GGT1: variants seen among roughly 807,000 people sequenced by gnomAD.
The protein encoded by GGT1 is gamma-glutamyltransferase 1.
In GGT1, 21 loss-of-function variants were observed where a neutral mutation model predicts 56.0. That is an observed-to-expected ratio of 0.38 (90% CI 0.27 to 0.54). The LOEUF (loss-of-function observed/expected upper bound fraction) is 0.54. GGT1 is among the 20% of genes least tolerant of loss of function. The pLI, the probability that GGT1 is intolerant of heterozygous loss-of-function variation, is 0.82. For missense variants in GGT1, 466 were observed against 787.0 expected (o/e 0.59, Z 4.88); for synonymous variants, 238 against 342.6 (o/e 0.69, Z 3.37).
chr22:24,594,328 G>C (rs2045651488), upstream of GGT1, among the ~76,000 whole-genome samples: 1 of 152,010 alleles, frequency 6.6e-6, no homozygotes, highest in South Asian at 2.1e-4. Flanking sequence ...TACCTGTTGT[G>C]CAGGAAGGGC....
At chr22:24,590,046 C>G (rs2045522749), upstream of GGT1, 1 of 1,351,708 alleles carries the variant, frequency 7.4e-7, no homozygotes, top group South Asian at 1.6e-5. Context: ...CCGTTCCTGT[C>G]TCTCCATCTC....
intron 1 of GGT1, among the ~76,000 whole-genome samples, 187 bp downstream of exon 1, chr22:24,603,714 T>C (rs1464972913): frequency 6.7e-6 from 1 of 149,594 alleles, no homozygotes; most frequent in African/African-American, 2.5e-5. Flanking sequence ...GAGGAAAGAG[T>C]GCAGCATGAA....
In GGT1 at chr22:24,620,559, A is replaced by C; in HGVS notation, c.575+39A>C. 1 of 1,610,814 alleles carries C rather than the reference A, an allele frequency of 6.2e-7. No homozygotes were observed. The highest frequency in any genetic ancestry group is 8.5e-7 in the Non-Finnish European group (1 of 1,179,288). On this transcript the variant is annotated intron_variant, in intron 8 of 15. Coordinates refer to ENST00000400382, the MANE Select transcript of GGT1 (RefSeq NM_001288833.2). This position sits in a 1 kb window ranked among gnomAD's most constrained non-coding sequence, Gnocchi z 5.6. ...TGCGGCCCCCTGACACAGGCAGGGC[A>C]GGCACAGCCCAAGGACCTTGCAGGC...
chr22:24,624,594 GTC>G, intron 11 of GGT1: 1 of 970,566 alleles, frequency 1.0e-6, no homozygotes, highest in East Asian at 1.1e-4. Flanking sequence ...CTGGTGTCTT[GTC>G]TCTCTGAGGG....
At chr22:24,589,263 C>A in the GGT1 span, 3 of 1,267,234 alleles carry the variant, frequency 2.4e-6, no homozygotes, top group Non-Finnish European at 3.1e-6. Flanking sequence ...GGGTTCTGGG[C>A]AGCTGTGGGG....
chr22:24,625,703 A>G (rs1254223604), intron 11 of GGT1, among the ~76,000 whole-genome samples: 1 of 151,684 alleles, frequency 6.6e-6, no homozygotes, highest in Non-Finnish European at 1.5e-5. Context: ...CACACCGCCC[A>G]GCTAATTTTT....
At chr22:24,619,400 GAAAAAA>G (rs372709571) in intron 7 of GGT1, among the ~76,000 whole-genome samples, 2 of 96,474 alleles carry the variant, frequency 2.1e-5, no homozygotes, top group South Asian at 3.9e-4. Flanking sequence ...CTCCATCTCA[GAAAAAA>G]AAAAAAAAAA....
chr22:24,586,217 G>A, the GGT1 span: 13 of 1,613,678 alleles, frequency 8.1e-6, no homozygotes, highest in African/African-American at 9.3e-5. Context: ...GCGGGGCAGC[G>A]CCCACAGGCT....
At chr22:24,618,608 AAAAAC>A (rs1195220319) in intron 7 of GGT1, among the ~76,000 whole-genome samples, 2 of 152,208 alleles carry the variant, frequency 1.3e-5, no homozygotes, top group Admixed American at 6.5e-5. Flanking sequence ...AACAAAGAAG[AAAAAC>A]AAAACAAAAC....
At chr22:24,587,863 G>A in the GGT1 span, among the ~76,000 whole-genome samples, 2 of 152,204 alleles carry the variant, frequency 1.3e-5, no homozygotes, top group Non-Finnish European at 2.9e-5. Flanking sequence ...CCCGCAACCT[G>A]TTGGGAAGTC....
At chr22:24,600,233 T>A (rs1358065463), upstream of GGT1, among the ~76,000 whole-genome samples, 1 of 152,122 alleles carries the variant, frequency 6.6e-6, no homozygotes, top group Non-Finnish European at 1.5e-5. Context: ...GCCTTGAAAG[T>A]AGGAGGTGCA....
intron 11 of GGT1, among the ~76,000 whole-genome samples, chr22:24,626,851 T>G (rs1294393793): frequency 6.6e-6 from 1 of 151,078 alleles, no homozygotes; most frequent in African/African-American, 2.5e-5. Flanking sequence ...TGCATCTTCA[T>G]CCTCTTCTCC....
At chr22:24,605,414 T>G (rs2046102504) in intron 1 of GGT1, among the ~76,000 whole-genome samples, 1 of 85,672 alleles carries the variant, frequency 1.2e-5, no homozygotes, top group South Asian at 3.5e-4. Flanking sequence ...TAATATTATA[T>G]AATATGTATT....
upstream of GGT1, among the ~76,000 whole-genome samples, chr22:24,598,612 G>A (rs2045733254): frequency 6.6e-6 from 1 of 152,044 alleles, no homozygotes; most frequent in Non-Finnish European, 1.5e-5. Flanking sequence ...GGAGTACAGT[G>A]GCACTATCTC....
intron 1 of GGT1, among the ~76,000 whole-genome samples, chr22:24,605,920 GTATTATATATTATATATAATATATAA>G (rs1569049673): frequency 2.0e-5 from 1 of 50,798 alleles, no homozygotes; most frequent in Non-Finnish European, 3.5e-5. Flanking sequence ...TATATGATGT[GTATTATATATTATATATAATATATAA>G]TATTATATAT....
chr22:24,602,187 T>C (rs1322887236), upstream of GGT1, among the ~76,000 whole-genome samples: 1 of 152,148 alleles, frequency 6.6e-6, no homozygotes, highest in Non-Finnish European at 1.5e-5. Context: ...CTCCATTTCC[T>C]GGCCTTCAGG....
intron 1 of GGT1, among the ~76,000 whole-genome samples, chr22:24,604,602 T>C (rs570618415): frequency 6.6e-6 from 1 of 152,220 alleles, no homozygotes; most frequent in East Asian, 1.9e-4. Flanking sequence ...CACTACCTTA[T>C]GTGCCCAGGA....
intron 11 of GGT1, 142 bp downstream of exon 11, chr22:24,624,058 T>C: frequency 6.6e-7 from 1 of 1,506,634 alleles, no homozygotes; most frequent in Non-Finnish European, 8.9e-7. Context: ...TACTGTGTGC[T>C]CGGATGGACT....
Position 24,610,429 on chromosome 22 carries a change from G to A in GGT1, c.-110G>A, listed in dbSNP as rs1037513572. The A allele has an allele frequency of 2.3e-5, 4 of 175,736 alleles. No homozygotes were observed. The highest frequency in any genetic ancestry group is 4.8e-5 in the African/African-American group (2 of 41,706). The allele number at this position is 175,736 out of a possible 1,614,324, so 10.9% of individuals were successfully genotyped here. ...GTGGCTACAGGCTTCAGCAGAGTGT[G>A]AGGGAGACCCCGGTTATTTCCTCAG... On this transcript the variant is annotated 5_prime_UTR_variant, in exon 4 of 16. Coordinates refer to ENST00000400382, the MANE Select transcript of GGT1 (RefSeq NM_001288833.2).
Sources: allele counts gnomAD v4.1 joint callset (sites outside exome capture counted in the v4.1 genomes callset), GRCh38; gene constraint gnomAD v4.1.1; non-coding constraint Gnocchi (gnomAD v3.1); transcripts MANE v1.5; gene names NCBI Gene and HGNC (gene_info 2026-07-23, HGNC 2026-07-21).